Variants in TSC22D3 observed in about 807,000 individuals in gnomAD.
TSC22D3 encodes the protein TSC22 domain family protein 3.
A neutral mutation model predicts 11.1 loss-of-function variants in TSC22D3; 4 were observed. That is an observed-to-expected ratio of 0.36 (90% CI 0.18 to 0.83). The LOEUF is 0.83. TSC22D3 is among the 40% of genes least tolerant of loss of function. The probability of loss-of-function intolerance (pLI) is 0.48; values close to 1 mark genes in which losing one functional copy is unlikely to be tolerated. For missense variants in TSC22D3, 118 were observed against 159.4 expected (o/e 0.74, Z 1.40); for synonymous variants, 77 against 70.3 (o/e 1.10, Z -0.48).
rs1203027384 is a variant in TSC22D3 at position 107,742,318 on chromosome X, AGT to A, written c.321-26370_321-26369del. On this transcript the variant is annotated intron_variant, in intron 1 of 2. Coordinates refer to ENST00000372383, the MANE Select transcript of TSC22D3 (RefSeq NM_198057.3). ...GAGAGAGAGAGAGAGAGAGAGAGAGAGTGTGTGTGCGCGCGCGCGCGGTGTTT... is the reference window on the plus strand; with the variant it reads ...GAGAGAGAGAGAGAGAGAGAGAGAGAGTGTGTGCGCGCGCGCGCGGTGTTT... 3.5e-3 allele frequency among the ~76,000 whole-genome samples: 133 copies of A among 38,130 alleles called. 1 individual carries two copies. The highest frequency in any genetic ancestry group is 0.01 in the African/African-American group (97 of 9,245). 33.1% of individuals were successfully genotyped at this position (38,130 alleles called of 115,157 possible).
Position 107,714,632 on chromosome X carries a change from T to A in TSC22D3, c.490A>T (p.Lys164Ter). The part of the protein sequence containing the change: ...SQLERENTLL[K>*]TLASPEQLEK... Reference sequence around the variant, plus strand: ...AGCTGCTCTGGGCTTGCCAGGGTCTTCAACAGGGTGTTCTCACGCTCTAGC... The same window carrying A: ...AGCTGCTCTGGGCTTGCCAGGGTCTACAACAGGGTGTTCTCACGCTCTAGC... The change falls in exon 3 of 3, where the codon AAG becomes TAG. Residue 164 changes from lysine to a stop codon, truncating the protein, a stop_gained. Transcript: ENST00000372383. LOFTEE classifies it high-confidence loss of function. 1.7e-6 allele frequency: 2 copies of A among 1,211,606 alleles called. No individual in the cohort carries two copies. The highest frequency in any genetic ancestry group is 2.2e-6 in the Non-Finnish European group (2 of 895,452).
intron 1 of TSC22D3, among the ~76,000 whole-genome samples, chrX:107,751,444 T>G (rs2147771994): frequency 8.9e-6 from 1 of 112,280 alleles, no homozygotes; most frequent in South Asian, 3.7e-4. Context: ...CAAAAATAGC[T>G]TTTCAACAGA....
Position 107,715,944 on chromosome X carries a change from G to A in TSC22D3, c.327C>T (p.Ser109=), listed in dbSNP as rs1926994304. The A allele has an allele frequency of 5.8e-6, 7 of 1,209,260 alleles. No individual in the cohort carries two copies. The highest frequency in any genetic ancestry group is 3.0e-5 in the East Asian group (1 of 33,756). Residue 109 remains serine (S), a synonymous_variant, in exon 2 of 3, where the codon TCC becomes TCT. Coordinates refer to ENST00000372383, the MANE Select transcript of TSC22D3 (RefSeq NM_198057.3). The stretch of plus-strand genomic sequence containing the variant: ...TGTCTATGGCCACCACGCTGGCTCC[G>A]GAGGCACTGCCAAGACAAAAAGCAA... The part of the protein sequence containing the change: ...LSILLFFHSA[S]GASVVAIDNK...
At chrX:107,747,203 C>T (rs7890604) in intron 1 of TSC22D3, among the ~76,000 whole-genome samples, 1,932 of 112,967 alleles carry the variant, frequency 0.017, 36 homozygotes, top group African/African-American at 0.058. Context: ...GAAAAGTTGA[C>T]GTGAAAGCCC....
At chrX:107,757,301 G>A (rs73525040) in intron 1 of TSC22D3, among the ~76,000 whole-genome samples, 2,011 of 111,354 alleles carry the variant, frequency 0.018, 38 homozygotes, top group African/African-American at 0.062. Context: ...CCCACTCCCC[G>A]GTCTAATGTG....
intron 1 of TSC22D3, among the ~76,000 whole-genome samples, chrX:107,760,271 T>C (rs1048712299): frequency 8.9e-6 from 1 of 112,550 alleles, no homozygotes; most frequent in African/African-American, 3.2e-5. Flanking sequence ...CATTGGTCAA[T>C]TCTATTAAAC....
At chrX:107,722,895 C>T (rs1927415989) in intron 1 of TSC22D3, among the ~76,000 whole-genome samples, 1 of 112,156 alleles carries the variant, frequency 8.9e-6, no homozygotes, top group South Asian at 3.7e-4. Context: ...GCACAAGGCA[C>T]ATTTCAAGGA....
intron 1 of TSC22D3, 138 bp from the exon 2 acceptor site, chrX:107,716,088 G>T: frequency 5.3e-6 from 4 of 748,190 alleles, no homozygotes; most frequent in Non-Finnish European, 7.7e-6. Flanking sequence ...CAGAGTTCCG[G>T]ACAGTTTGTC....
At chrX:107,750,009 G>GTT (rs1569452558) in intron 1 of TSC22D3, among the ~76,000 whole-genome samples, 21 of 111,780 alleles carry the variant, frequency 1.9e-4, no homozygotes, top group Admixed American at 6.6e-4. Flanking sequence ...ATCCAAGGGG[G>GTT]GCATGGTGGC....
rs758993128 is a variant in TSC22D3, at chrX:107,713,334, G to GTTCA, written c.*1181_*1184dup. 1.8e-5 allele frequency: 2 copies of GTTCA among 111,917 alleles called. No homozygotes were observed. Among genetic ancestry groups the GTTCA allele is most frequent in the Non-Finnish European group, 3.8e-5 (2 of 53,129 alleles). 9.2% of individuals were successfully genotyped at this position (111,917 alleles called of 1,213,427 possible). A position where few individuals can be genotyped will look rare whatever the true frequency, so the allele number is the denominator to read the frequency against. ...GATAAGGTGTCAAAAAGTGGAAAGTGTTCACTCTCACAAAACCCGCTACAG... is the reference window on the plus strand; with the variant it reads ...GATAAGGTGTCAAAAAGTGGAAAGTGTTCATTCACTCTCACAAAACCCGCTACAG... On this transcript the variant is annotated 3_prime_UTR_variant, in exon 3 of 3. Coordinates refer to ENST00000372383, the MANE Select transcript of TSC22D3 (RefSeq NM_198057.3).
At chrX:107,755,839 A>G (rs1251109863) in intron 1 of TSC22D3, among the ~76,000 whole-genome samples, 1 of 112,016 alleles carries the variant, frequency 8.9e-6, no homozygotes, top group Non-Finnish European at 1.9e-5. Context: ...GAACAATGCC[A>G]AGAAGAAATC....
At chrX:107,764,098 G>C (rs1929556983) in intron 1 of TSC22D3, among the ~76,000 whole-genome samples, 1 of 112,394 alleles carries the variant, frequency 8.9e-6, no homozygotes, top group Admixed American at 9.4e-5. Context: ...CTCCAGGAAG[G>C]CTTTTCTGAC....
At chrX:107,716,264 C>T (rs1277897158) in intron 1 of TSC22D3, 3 of 916,828 alleles carry the variant, frequency 3.3e-6, no homozygotes, top group African/African-American at 4.1e-5. Flanking sequence ...TGGGGCTGTG[C>T]GACCCGGGGA....
intron 1 of TSC22D3, among the ~76,000 whole-genome samples, chrX:107,724,435 A>G (rs930002779): frequency 8.8e-5 from 10 of 113,269 alleles, no homozygotes; most frequent in African/African-American, 2.2e-4. Flanking sequence ...AAAGAGTAGC[A>G]TGGAAGCACG....
chrX:107,744,133 G>A (rs908542911), intron 1 of TSC22D3, among the ~76,000 whole-genome samples: 13 of 112,045 alleles, frequency 1.2e-4, no homozygotes, highest in Non-Finnish European at 2.4e-4. Flanking sequence ...CAGGTCGATC[G>A]ATTTAATACA....
intron 1 of TSC22D3, among the ~76,000 whole-genome samples, chrX:107,729,718 G>C (rs1376166843): frequency 1.8e-5 from 2 of 112,736 alleles, no homozygotes; most frequent in East Asian, 5.6e-4. Context: ...CCTGTTGTGA[G>C]GTGTTGACAG....
intron 1 of TSC22D3, among the ~76,000 whole-genome samples, chrX:107,766,694 G>C (rs1414882384): frequency 9.0e-6 from 1 of 111,254 alleles, no homozygotes; most frequent in African/African-American, 3.3e-5. Flanking sequence ...TGAGTGTGGA[G>C]GCTGAGTGTG....
intron 1 of TSC22D3, among the ~76,000 whole-genome samples, chrX:107,742,249 G>A (rs1928432682): frequency 1.1e-5 from 1 of 93,336 alleles, no homozygotes; most frequent in African/African-American, 4.2e-5. Context: ...ATACTTTCAG[G>A]CACATGTATT....
At chrX:107,717,469 G>C (rs1264961373) in intron 1 of TSC22D3, among the ~76,000 whole-genome samples, 1 of 111,876 alleles carries the variant, frequency 8.9e-6, no homozygotes, top group Non-Finnish European at 1.9e-5. Flanking sequence ...CCTCTTCCCA[G>C]TCACTGCCCT....
Sources: gnomAD v4.1 joint callset for allele counts (sites outside exome capture counted in the v4.1 genomes callset) on GRCh38, gnomAD v4.1.1 for gene constraint, MANE v1.5 for transcripts, NCBI Gene and HGNC (gene_info 2026-07-23, HGNC 2026-07-21) for gene names.